SLC10A7: variants seen among roughly 807,000 people sequenced by gnomAD.
SLC10A7 encodes the protein sodium/bile acid cotransporter 7.
SLC10A7 carries 29 observed loss-of-function variants against 43.2 expected under a neutral mutation model. The observed-to-expected ratio is 0.67, with a 90% confidence interval of 0.50 to 0.92. The LOEUF (loss-of-function observed/expected upper bound fraction) is 0.92, where lower values mean the gene tolerates loss of function less well. Ranked by LOEUF, SLC10A7 falls within the 40% of genes least tolerant of loss-of-function variation. The probability of loss-of-function intolerance (pLI) is 0.00; values close to 1 mark genes in which losing one functional copy is unlikely to be tolerated. For missense variants in SLC10A7, 295 were observed against 403.2 expected, an observed-to-expected ratio of 0.73 and a Z score of 2.30; for synonymous variants, 152 against 144.8, an observed-to-expected ratio of 1.05 and a Z score of -0.35.
chr4:146,381,462 T>C (rs911664699), intron 5 of SLC10A7, among the ~76,000 whole-genome samples: 5 of 152,162 alleles, frequency 3.3e-5, no homozygotes. Flanking sequence ...ATTACTGTTA[T>C]GGGATGCTTC....
intron 4 of SLC10A7, among the ~76,000 whole-genome samples, chr4:146,449,678 AC>A (rs1731411876): frequency 6.6e-6 from 1 of 151,976 alleles, no homozygotes; most frequent in Non-Finnish European, 1.5e-5. Flanking sequence ...CACCACCACC[AC>A]CACCACCACA....
At chr4:146,342,950 T>G (rs1734368393) in intron 5 of SLC10A7, among the ~76,000 whole-genome samples, 1 of 151,828 alleles carries the variant, frequency 6.6e-6, no homozygotes, top group Non-Finnish European at 1.5e-5. Context: ...AAGCAAAGTT[T>G]TGATGGATGA....
intron 5 of SLC10A7, among the ~76,000 whole-genome samples, chr4:146,349,058 A>G (rs4835299): frequency 0.25 from 38,435 of 152,162 alleles, 5,647 homozygotes; most frequent in African/African-American, 0.41. Context: ...AACAGACCCC[A>G]ATGAATGCTG....
At chr4:146,345,093 A>G (rs575272850) in intron 5 of SLC10A7, among the ~76,000 whole-genome samples, 2 of 152,296 alleles carry the variant, frequency 1.3e-5, no homozygotes, top group East Asian at 3.9e-4. Context: ...CTTAGAAGCA[A>G]GAAAGGTCGA....
intron 4 of SLC10A7, among the ~76,000 whole-genome samples, chr4:146,474,645 A>C (rs4835313): frequency 0.78 from 118,939 of 151,954 alleles, 46,885 homozygotes; most frequent in East Asian, 0.95. Context: ...TAAAGAAGGC[A>C]ATAAGGACAG....
intron 5 of SLC10A7, among the ~76,000 whole-genome samples, chr4:146,328,062 C>A (rs1001220825): frequency 1.3e-5 from 2 of 152,130 alleles, no homozygotes; most frequent in African/African-American, 4.8e-5. Context: ...GGCGCCTGTG[C>A]ACACCATTGG....
intron 9 of SLC10A7, among the ~76,000 whole-genome samples, chr4:146,286,866 G>A (rs371206144): frequency 1.3e-5 from 2 of 152,106 alleles, no homozygotes; most frequent in East Asian, 3.9e-4. Flanking sequence ...GAAGGACTGT[G>A]TTTGGAATGG....
intron 6 of SLC10A7, among the ~76,000 whole-genome samples, chr4:146,314,597 T>G (rs570461228): frequency 1.3e-5 from 2 of 152,296 alleles, no homozygotes; most frequent in South Asian, 2.1e-4. Flanking sequence ...GGTGAGCATG[T>G]AGGCCAATGT....
intron 5 of SLC10A7, among the ~76,000 whole-genome samples, chr4:146,364,779 T>C (rs531339730): frequency 2.6e-5 from 4 of 152,116 alleles, no homozygotes; most frequent in East Asian, 1.9e-4. Flanking sequence ...AAGAGTAAAA[T>C]TGGGATGTTC....
chr4:146,320,044 A>G (rs917627269), intron 6 of SLC10A7, among the ~76,000 whole-genome samples: 2 of 152,074 alleles, frequency 1.3e-5, no homozygotes, highest in Non-Finnish European at 2.9e-5. Context: ...AATACTTGAT[A>G]TGAAAAAAGA....
Position 146,256,312 on chromosome 4 carries a change from T to C in SLC10A7, c.*179A>G. On this transcript the variant is annotated 3_prime_UTR_variant, in exon 12 of 12. Transcript: ENST00000335472. ...ACCCCTGGCAGTAATCAACAAAGCATATTTTGGAAATAACGCTCTTGTCAA... is the reference window on the plus strand; with the variant it reads ...ACCCCTGGCAGTAATCAACAAAGCACATTTTGGAAATAACGCTCTTGTCAA... 1 of 628,830 alleles carries C rather than the reference T, an allele frequency of 1.6e-6. No individual in the cohort carries two copies. Among genetic ancestry groups the C allele is most frequent in the South Asian group, 2.0e-5 (1 of 50,584 alleles). The allele number at this position is 628,830 out of a possible 1,614,324, so 39.0% of individuals were successfully genotyped here.
intron 4 of SLC10A7, among the ~76,000 whole-genome samples, chr4:146,495,218 A>G (rs1735780928): frequency 6.6e-6 from 1 of 152,210 alleles, no homozygotes; most frequent in Admixed American, 6.5e-5. Flanking sequence ...AGATTCCTCC[A>G]GGATGCCACT....
intron 5 of SLC10A7, among the ~76,000 whole-genome samples, chr4:146,410,659 A>G (rs1318758366): frequency 6.6e-6 from 1 of 152,156 alleles, no homozygotes; most frequent in African/African-American, 2.4e-5. Context: ...ATGGATTACA[A>G]TCCAAGCCTG....
At chr4:146,504,702 T>A (rs1400862694) in intron 3 of SLC10A7, among the ~76,000 whole-genome samples, 1 of 152,154 alleles carries the variant, frequency 6.6e-6, no homozygotes, top group East Asian at 1.9e-4. Flanking sequence ...CAAGCTTACA[T>A]CTTTGGATTT....
intron 4 of SLC10A7, among the ~76,000 whole-genome samples, chr4:146,469,705 T>TGCAGCC (rs956182880): frequency 7.9e-5 from 12 of 152,192 alleles, no homozygotes; most frequent in Non-Finnish European, 1.5e-4. Context: ...CATGGCTTAC[T>TGCAGCC]GCAGCCTCAA....
chr4:146,440,253 G>T (rs1420480913), intron 5 of SLC10A7, among the ~76,000 whole-genome samples: 1 of 150,722 alleles, frequency 6.6e-6, no homozygotes, highest in African/African-American at 2.4e-5. Context: ...AAAGAAAGAA[G>T]ACTCAGGTTT....
intron 11 of SLC10A7, 91 bp from the exon 12 acceptor site, chr4:146,256,611 A>G: frequency 7.2e-7 from 1 of 1,397,872 alleles, no homozygotes; most frequent in Non-Finnish European, 1.0e-6. Flanking sequence ...TGCTATTAGA[A>G]GGAAGAAGAG....
intron 5 of SLC10A7, among the ~76,000 whole-genome samples, chr4:146,340,561 A>C (rs1398939488): frequency 1.3e-5 from 2 of 151,236 alleles, no homozygotes; most frequent in African/African-American, 2.4e-5. Context: ...AGAGAGAGAG[A>C]GTGATTAGAC....
chr4:146,424,795 A>C (rs1287584081), intron 5 of SLC10A7, among the ~76,000 whole-genome samples: 1 of 152,088 alleles, frequency 6.6e-6, no homozygotes, highest in East Asian at 1.9e-4. Context: ...ACATTATACT[A>C]TTTTCCAAAA....
Sources: gnomAD v4.1 joint callset for allele counts (sites outside exome capture counted in the v4.1 genomes callset) on GRCh38, gnomAD v4.1.1 for gene constraint, MANE v1.5 for transcripts, NCBI Gene and HGNC (gene_info 2026-07-23, HGNC 2026-07-21) for gene names.